Variants in GRIA4 observed in about 807,000 individuals in gnomAD.
The protein encoded by GRIA4 is glutamate receptor 4.
GRIA4 carries 34 observed loss-of-function variants against 104.0 expected under a neutral mutation model. The observed-to-expected ratio is 0.33, with a 90% CI of 0.25 to 0.44. The LOEUF is 0.44. Ranked by LOEUF, GRIA4 falls within the 20% of genes least tolerant of loss-of-function variation. The pLI, the probability that GRIA4 is intolerant of heterozygous loss-of-function variation, is 1.00. For missense variants in GRIA4, 750 were observed against 1,096.5 expected, an observed-to-expected ratio of 0.68 and a Z score of 4.46; for synonymous variants, 386 against 381.9, an observed-to-expected ratio of 1.01 and a Z score of -0.13.
chr11:105,935,338 A>G (rs1165099151), intron 14 of GRIA4, among the ~76,000 whole-genome samples: 1 of 152,184 alleles, frequency 6.6e-6, no homozygotes, highest in Admixed American at 6.6e-5. Flanking sequence ...ATTAACATAC[A>G]TTCCATATGA....
At chr11:105,962,597 C>G (rs1246571495) in intron 14 of GRIA4, among the ~76,000 whole-genome samples, 4 of 152,096 alleles carry the variant, frequency 2.6e-5, no homozygotes, top group Non-Finnish European at 5.9e-5. Context: ...AGGCCCGAAT[C>G]AAATTCCCTG....
chr11:105,868,283 G>A (rs1012615537), intron 5 of GRIA4, among the ~76,000 whole-genome samples: 4 of 152,242 alleles, frequency 2.6e-5, no homozygotes, highest in Admixed American at 1.3e-4. Flanking sequence ...TGCTCAAAAG[G>A]TAATCAAGAT....
At chr11:105,778,150 T>C (rs1467083283) in intron 4 of GRIA4, among the ~76,000 whole-genome samples, 1 of 152,210 alleles carries the variant, frequency 6.6e-6, no homozygotes, top group East Asian at 1.9e-4. Context: ...AAAAATTTAA[T>C]TAGCTCAGAT....
chr11:105,737,127 G>A (rs983023240), intron 3 of GRIA4, among the ~76,000 whole-genome samples: 1 of 152,026 alleles, frequency 6.6e-6, no homozygotes, highest in African/African-American at 2.4e-5. Flanking sequence ...GAAATCGCTG[G>A]AAATGGTCTG....
chr11:105,838,692 A>T (rs996952020), intron 4 of GRIA4, among the ~76,000 whole-genome samples: 14 of 152,146 alleles, frequency 9.2e-5, no homozygotes, highest in African/African-American at 3.1e-4. Context: ...ATCTTCAATA[A>T]CCAATTTACT....
At chr11:105,629,640 C>A (rs1950981494) in intron 3 of GRIA4, among the ~76,000 whole-genome samples, 1 of 152,064 alleles carries the variant, frequency 6.6e-6, no homozygotes, top group Admixed American at 6.6e-5. Flanking sequence ...TTACAAAAAG[C>A]ATATATTAAC....
chr11:105,882,842 A>G (rs533633598), intron 5 of GRIA4, among the ~76,000 whole-genome samples: 1 of 152,196 alleles, frequency 6.6e-6, no homozygotes, highest in Non-Finnish European at 1.5e-5. Flanking sequence ...AAGTGAAGTC[A>G]ATATGGAAAA....
chr11:105,968,319 T>C (rs1258483416), intron 14 of GRIA4, among the ~76,000 whole-genome samples: 1 of 152,226 alleles, frequency 6.6e-6, no homozygotes, highest in Non-Finnish European at 1.5e-5. Flanking sequence ...AAACTTGTGT[T>C]TGAATGGGGC....
At chr11:105,977,173 C>T (rs1859021984) in intron 16 of GRIA4, among the ~76,000 whole-genome samples, 2 of 151,902 alleles carry the variant, frequency 1.3e-5, no homozygotes, top group South Asian at 2.1e-4. Flanking sequence ...TAAAACAAAG[C>T]TAAACTAGTG....
At chr11:105,849,893 G>T (rs1944739081) in intron 4 of GRIA4, among the ~76,000 whole-genome samples, 1 of 152,056 alleles carries the variant, frequency 6.6e-6, no homozygotes, top group Non-Finnish European at 1.5e-5. Context: ...AAAAGGATTT[G>T]AACTAACAAA....
At chr11:105,756,476 A>G (rs1012503656) in intron 4 of GRIA4, among the ~76,000 whole-genome samples, 3 of 152,204 alleles carry the variant, frequency 2.0e-5, no homozygotes, top group Non-Finnish European at 4.4e-5. Context: ...TTTTCTTATT[A>G]AAAGCAAAAT....
At chr11:105,686,892 A>T (rs1333125266) in intron 3 of GRIA4, among the ~76,000 whole-genome samples, 18 of 152,098 alleles carry the variant, frequency 1.2e-4, no homozygotes, top group Admixed American at 1.2e-3. Context: ...GTGTCTGTTC[A>T]TGTATTTTGC....
intron 11 of GRIA4, 74 bp from the exon 12 acceptor site, chr11:105,924,325 A>G: frequency 1.1e-5 from 12 of 1,134,198 alleles, no homozygotes; most frequent in Non-Finnish European, 1.4e-5. Context: ...TTAGCTTTAA[A>G]TGGATCATTC....
chr11:105,907,363 G>A (rs1947078032), intron 9 of GRIA4, among the ~76,000 whole-genome samples: 1 of 152,160 alleles, frequency 6.6e-6, no homozygotes, highest in East Asian at 1.9e-4. Flanking sequence ...CATTGTGTCA[G>A]GAATATTAAA....
rs576136066 is a variant in GRIA4 at position 105,664,404 on chromosome 11, G to A, written c.247+51970G>A. The stretch of plus-strand genomic sequence containing the variant: ...TGAGAAAAAGGCATAAGAGATCCAA[G>A]AGGTATGGGCACAAACAGACTTTGA... On this transcript the variant is annotated intron_variant, in intron 3 of 16. Coordinates refer to ENST00000282499, the MANE Select transcript of GRIA4 (RefSeq NM_000829.4). Among the ~76,000 whole-genome samples the A allele has an allele frequency of 2.8e-4, 43 of 151,024 alleles. 1 individual carries two copies. The highest frequency in any genetic ancestry group is 8.4e-4 in the South Asian group (4 of 4,782).
chr11:105,877,880 T>C (rs971800695), intron 5 of GRIA4, among the ~76,000 whole-genome samples: 3 of 152,144 alleles, frequency 2.0e-5, no homozygotes, highest in Non-Finnish European at 4.4e-5. Flanking sequence ...CAGTAGTTTG[T>C]TATTACCCAC....
At chr11:105,878,319 A>C (rs1335337490) in intron 5 of GRIA4, among the ~76,000 whole-genome samples, 1 of 152,104 alleles carries the variant, frequency 6.6e-6, no homozygotes. Flanking sequence ...GCCAGATGCC[A>C]ACTGGAGCTC....
rs1265986774 is a variant in GRIA4 at position 105,887,308 on chromosome 11, T to C, written c.673-211T>C. Among the ~76,000 whole-genome samples, 4 of 152,276 alleles carry C rather than the reference T, an allele frequency of 2.6e-5. No individual in the cohort carries two copies. The South Asian group carries it at 8.3e-4, about 32-fold the overall frequency. On this transcript the variant is annotated intron_variant, in intron 5 of 16. Transcript: ENST00000282499. ...AATTTTCTGAACGAGGTTGATAGAA[T>C]GTGATTTAAATAAAAGTGGTACTTT...
At chr11:105,933,380 T>C (rs1947939599) in intron 13 of GRIA4, among the ~76,000 whole-genome samples, 1 of 152,126 alleles carries the variant, frequency 6.6e-6, no homozygotes, top group African/African-American at 2.4e-5. Flanking sequence ...ATATAAAACA[T>C]GATTTTAAAT....
Sources: allele counts gnomAD v4.1 joint callset (sites outside exome capture counted in the v4.1 genomes callset), GRCh38; gene constraint gnomAD v4.1.1; transcripts MANE v1.5; gene names NCBI Gene and HGNC (gene_info 2026-07-23, HGNC 2026-07-21).